FRMD4A: variants seen among roughly 807,000 people sequenced by gnomAD.
FRMD4A encodes the protein FERM domain containing 4A, also known as FERM domain-containing protein 4A.
A neutral mutation model predicts 129.1 loss-of-function variants in FRMD4A; 29 were observed. The observed-to-expected ratio is 0.22, with a 90% confidence interval of 0.17 to 0.31. The LOEUF (loss-of-function observed/expected upper bound fraction) is 0.31, where lower values mean the gene tolerates loss of function less well. FRMD4A is among the 10% of genes least tolerant of loss of function. The pLI is 1.00. For synonymous variants in FRMD4A, 634 were observed against 571.6 expected, an observed-to-expected ratio of 1.11 and a Z score of -1.56; for missense variants, 1,272 against 1,375.8, an observed-to-expected ratio of 0.92 and a Z score of 1.19.
chr10:14,069,047 C>T (rs1835195545), intron 2 of FRMD4A, among the ~76,000 whole-genome samples: 1 of 152,106 alleles, frequency 6.6e-6, no homozygotes, highest in Admixed American at 6.5e-5. Context: ...CATCCCCACC[C>T]CCAATACCAG....
chr10:14,258,549 C>T (rs1195187707), intron 2 of FRMD4A, among the ~76,000 whole-genome samples: 3 of 152,184 alleles, frequency 2.0e-5, no homozygotes, highest in African/African-American at 7.2e-5. Context: ...ACTGATCATA[C>T]CTAGCGTTGG....
chr10:14,290,403 G>A (rs900953710), intron 2 of FRMD4A, among the ~76,000 whole-genome samples: 17 of 152,014 alleles, frequency 1.1e-4, no homozygotes, highest in Non-Finnish European at 2.2e-4. Flanking sequence ...GAACAGAAAA[G>A]AGAGCTCAGA....
intron 2 of FRMD4A, among the ~76,000 whole-genome samples, chr10:14,114,892 G>A (rs543739231): frequency 5.3e-5 from 8 of 152,268 alleles, no homozygotes; most frequent in East Asian, 1.9e-4. Context: ...GATCCATGCC[G>A]GCCCTCTGCA....
At position 14,092,157 on chromosome 10, in the gene FRMD4A, G is replaced by A. The variant is rs1230549509; in HGVS notation, c.46-233245C>T. Among the ~76,000 whole-genome samples, 5 of 150,110 alleles carry A rather than the reference G, an allele frequency of 3.3e-5. No individual in the cohort carries two copies. The South Asian group carries it at 6.4e-4, about 19-fold the overall frequency. ...TGAGTGGTCCCAAGCTTCACACTCC[G>A]AGTCAGGCAGGTTTCTTAGGTCTGC... On this transcript the variant is annotated intron_variant, in intron 2 of 24. Coordinates refer to ENST00000357447, the MANE Select transcript of FRMD4A (RefSeq NM_018027.5).
At position 13,796,558 on chromosome 10, in the gene FRMD4A, T is replaced by A; in HGVS notation, c.237A>T (p.Arg79=). The change falls in exon 5 of 25, where the codon CGA becomes CGT. Residue 79 remains arginine, a synonymous_variant. Transcript: ENST00000357447. ...TAGGGAAGTCATGTTCCAATACTCT[T>A]CGATCTAGCTGAAGCCAGTTTAAGT... The part of the protein sequence containing the change: ...TGHLNWLQLD[R]RVLEHDFPKK... 2 of 1,602,874 alleles carry A rather than the reference T, an allele frequency of 1.2e-6. No homozygotes were observed. The highest frequency in any genetic ancestry group is 1.7e-6 in the Non-Finnish European group (2 of 1,169,810).
intron 6 of FRMD4A, among the ~76,000 whole-genome samples, chr10:13,779,901 AC>A (rs1289030662): frequency 6.6e-6 from 1 of 152,220 alleles, no homozygotes; most frequent in African/African-American, 2.4e-5. Flanking sequence ...GTAGGAATGA[AC>A]CGTTCTTGTC....
chr10:13,894,674 C>T (rs1261176215), intron 2 of FRMD4A, among the ~76,000 whole-genome samples: 1 of 152,248 alleles, frequency 6.6e-6, no homozygotes, highest in Non-Finnish European at 1.5e-5. Flanking sequence ...CTACCCCACT[C>T]TTTGGGTAGC....
At chr10:13,997,963 G>T (rs1588713462) in intron 2 of FRMD4A, among the ~76,000 whole-genome samples, 1 of 152,294 alleles carries the variant, frequency 6.6e-6, no homozygotes, top group South Asian at 2.1e-4. Flanking sequence ...TGACAATGCT[G>T]CAATAAGGTG....
chr10:14,198,365 T>C (rs867845908), intron 2 of FRMD4A, among the ~76,000 whole-genome samples: 95 of 152,180 alleles, frequency 6.2e-4, no homozygotes, highest in African/African-American at 2.2e-3. Context: ...CAATTGCTAC[T>C]AGGCAGCGGC....
intron 2 of FRMD4A, among the ~76,000 whole-genome samples, chr10:14,327,775 C>T (rs1252562693): frequency 6.6e-6 from 1 of 152,186 alleles, no homozygotes; most frequent in East Asian, 1.9e-4. Flanking sequence ...CTCCCACAGA[C>T]TGTGTGTTTA....
At position 13,657,151 on chromosome 10, in the gene FRMD4A, G is replaced by A. The variant is rs1241346976; in HGVS notation, c.2438C>T (p.Ala813Val). The change falls in exon 22 of 25, where the codon GCG (alanine) becomes GTG (valine). Residue 813 changes from alanine to valine, a missense_variant. Ala to Val is a moderately conservative substitution (Grantham distance 64). Around this residue, in one of 2 missense-constraint regions of FRMD4A, gnomAD observed 972 missense variants for 892.3 expected, o/e 1.09. Coordinates refer to ENST00000357447, the MANE Select transcript of FRMD4A (RefSeq NM_018027.5). The stretch of plus-strand genomic sequence containing the variant: ...GTACACACCGCCCCCCGCGCCCCCC[G>A]CGCCCCCCGCACCCCCGCGCGCCGC... Reference protein sequence around the residue: ...NLAARGGAGGAGGAGGGVYLH... With the variant: ...NLAARGGAGGVGGAGGGVYLH... 11 of 549,802 alleles carry A rather than the reference G, an allele frequency of 2.0e-5. No individual in the cohort carries two copies. Among genetic ancestry groups the A allele is most frequent in the African/African-American group, 1.3e-4 (5 of 39,098 alleles). The allele number at this position is 549,802 out of a possible 1,614,324, so 34.1% of individuals were successfully genotyped here.
chr10:14,281,947 T>C (rs1845532641), intron 2 of FRMD4A, among the ~76,000 whole-genome samples: 1 of 152,116 alleles, frequency 6.6e-6, no homozygotes, highest in Non-Finnish European at 1.5e-5. Flanking sequence ...AGAGATTGGG[T>C]GATTTATAAA....
chr10:13,922,689 A>G (rs1378550801), intron 2 of FRMD4A, among the ~76,000 whole-genome samples: 2 of 152,218 alleles, frequency 1.3e-5, no homozygotes, highest in Non-Finnish European at 2.9e-5. Flanking sequence ...AAATGCCAAA[A>G]CAGGAGACAA....
chr10:13,745,978 C>T (rs781763872), intron 9 of FRMD4A, among the ~76,000 whole-genome samples: 2 of 152,190 alleles, frequency 1.3e-5, no homozygotes, highest in African/African-American at 2.4e-5. Context: ...GAAGCTGATG[C>T]ATGCAAAATC....
At chr10:13,680,542 T>C (rs1332389299) in intron 15 of FRMD4A, among the ~76,000 whole-genome samples, 1 of 152,008 alleles carries the variant, frequency 6.6e-6, no homozygotes, top group Non-Finnish European at 1.5e-5. Context: ...CTGGCCAACA[T>C]GGCGAAACCC....
At chr10:14,318,487 C>T (rs1183769378) in intron 2 of FRMD4A, among the ~76,000 whole-genome samples, 1 of 152,024 alleles carries the variant, frequency 6.6e-6, no homozygotes, top group Non-Finnish European at 1.5e-5. Flanking sequence ...AGCAGGCTGA[C>T]CAGGATTTAC....
intron 8 of FRMD4A, among the ~76,000 whole-genome samples, chr10:13,753,535 C>T (rs2091725363): frequency 7.2e-6 from 1 of 139,444 alleles, no homozygotes; most frequent in Non-Finnish European, 1.5e-5. Context: ...AAATATGTAC[C>T]TTTCTATTTT....
intron 2 of FRMD4A, among the ~76,000 whole-genome samples, chr10:13,865,672 T>C (rs2094358086): frequency 6.6e-6 from 1 of 151,706 alleles, no homozygotes. Context: ...TGGACTCCAG[T>C]GACCCTCCCC....
At chr10:14,293,476 A>G (rs1202757851) in intron 2 of FRMD4A, among the ~76,000 whole-genome samples, 1 of 152,230 alleles carries the variant, frequency 6.6e-6, no homozygotes, top group Non-Finnish European at 1.5e-5. Context: ...GGGAGTTTAC[A>G]AAAGAGTAAA....
Sources: gnomAD v4.1 joint callset for allele counts (sites outside exome capture counted in the v4.1 genomes callset) on GRCh38, gnomAD v4.1.1 for gene constraint, gnomAD v4.1.1 regional missense constraint, MANE v1.5 for transcripts, NCBI Gene and HGNC (gene_info 2026-07-23, HGNC 2026-07-21) for gene names.